Variants in TMCO5A observed in about 807,000 individuals in gnomAD.
TMCO5A encodes transmembrane and coiled-coil domain-containing protein 5A.
In TMCO5A, 34 loss-of-function variants were observed where a neutral mutation model predicts 42.3. The ratio of observed to expected loss-of-function variants is 0.80; its 90% CI spans 0.61 to 1.07. The LOEUF (loss-of-function observed/expected upper bound fraction) is 1.07, where lower values mean the gene tolerates loss of function less well. Among genes scored for constraint, TMCO5A ranks in the 50% least tolerant of loss-of-function variants. The pLI, the probability that TMCO5A is intolerant of heterozygous loss-of-function variation, is 0.00. For synonymous variants in TMCO5A, 131 were observed against 115.6 expected, an observed-to-expected ratio of 1.13 and a Z score of -0.86; for missense variants, 357 against 327.9, an observed-to-expected ratio of 1.09 and a Z score of -0.69.
In TMCO5A at chr15:37,951,129, C is replaced by T. The variant is rs543355757; in HGVS notation, c.762C>T (p.Leu254=). 19 of 1,613,726 alleles carry T rather than the reference C, an allele frequency of 1.2e-5. No individual in the cohort carries two copies. The highest frequency in any genetic ancestry group is 4.4e-5 in the South Asian group (4 of 91,064). The change falls in exon 12 of 12, where the codon CTC becomes CTT. Residue 254 remains leucine, a synonymous_variant. Coordinates refer to ENST00000319669, the MANE Select transcript of TMCO5A (RefSeq NM_152453.4). ...TAAGATTCATAAATCCAGATCTCCTCGTCAATGTACTGCCCAAGGTACTGG... is the reference window on the plus strand; with the variant it reads ...TAAGATTCATAAATCCAGATCTCCTTGTCAATGTACTGCCCAAGGTACTGG... ...FHVRFINPDL[L]VNVLPKVLGR...
At chr15:37,984,305 T>C in the TMCO5A span, among the ~76,000 whole-genome samples, 1 of 152,118 alleles carries the variant, frequency 6.6e-6, no homozygotes, top group African/African-American at 2.4e-5. Context: ...GATTTTTTTT[T>C]ATCACAACTG....
At chr15:38,028,487 C>T in the TMCO5A span, among the ~76,000 whole-genome samples, 295 of 152,280 alleles carry the variant, frequency 1.9e-3, 1 homozygote, top group Middle Eastern at 3.4e-3. Flanking sequence ...GTGACTGTCA[C>T]AGTTGGTGCT....
chr15:38,019,557 A>G, the TMCO5A span, among the ~76,000 whole-genome samples: 1 of 152,164 alleles, frequency 6.6e-6, no homozygotes, highest in Non-Finnish European at 1.5e-5. Context: ...GTTCACATTC[A>G]CAACCTCCCC....
At chr15:38,025,170 T>G in the TMCO5A span, among the ~76,000 whole-genome samples, 1 of 36,606 alleles carries the variant, frequency 2.7e-5, no homozygotes, top group Non-Finnish European at 6.7e-5. Flanking sequence ...TGGGTGTGTG[T>G]GTGTGTGTGT....
chr15:38,023,412 A>G, the TMCO5A span, among the ~76,000 whole-genome samples: 1 of 152,160 alleles, frequency 6.6e-6, no homozygotes, highest in African/African-American at 2.4e-5. Flanking sequence ...ACCTCTCAAT[A>G]TGTTTTCTTA....
chr15:38,016,779 C>T, the TMCO5A span, among the ~76,000 whole-genome samples: 2 of 152,190 alleles, frequency 1.3e-5, no homozygotes, highest in African/African-American at 4.8e-5. Flanking sequence ...GTGTCCTCTG[C>T]CGCTTGCCTT....
exon 12 of TMCO5A, chr15:37,966,682 C>A (rs1890565108): frequency 2.8e-6 from 2 of 702,894 alleles, no homozygotes; most frequent in Non-Finnish European, 5.2e-6. Context: ...CTCGTACTAC[C>A]AGATTGGCAA....
chr15:38,037,533 A>G, the TMCO5A span, among the ~76,000 whole-genome samples: 6 of 152,204 alleles, frequency 3.9e-5, no homozygotes, highest in African/African-American at 7.2e-5. Flanking sequence ...CAACCAAGAT[A>G]GTACTTGCCA....
chr15:38,012,700 TGAG>T, the TMCO5A span, among the ~76,000 whole-genome samples: 1 of 152,202 alleles, frequency 6.6e-6, no homozygotes, highest in African/African-American at 2.4e-5. Context: ...AAAATTGTGA[TGAG>T]GAGGCTGATG....
At chr15:38,028,811 C>A in the TMCO5A span, among the ~76,000 whole-genome samples, 3 of 152,114 alleles carry the variant, frequency 2.0e-5, no homozygotes, top group African/African-American at 7.2e-5. Flanking sequence ...ACCTTGTGCG[C>A]CTGCAAAGGA....
At chr15:38,021,561 T>G in the TMCO5A span, among the ~76,000 whole-genome samples, 1 of 152,086 alleles carries the variant, frequency 6.6e-6, no homozygotes, top group African/African-American at 2.4e-5. Flanking sequence ...GGGTGTTTAG[T>G]AATAAGTTTT....
chr15:37,936,428 T>A lies in TMCO5A; in HGVS notation c.105T>A (p.Leu35=). 1 of 1,613,024 alleles carries A rather than the reference T, an allele frequency of 6.2e-7. No homozygotes were observed. ...QRIDEANQKL[L]LKIQEREDKI... is the part of the protein sequence containing the mutation. ...TAGATGAAGCAAATCAGAAACTTCTTCTCAAAATCCAAGAGAGGGAAGATA... is the reference window on the plus strand; with the variant it reads ...TAGATGAAGCAAATCAGAAACTTCTACTCAAAATCCAAGAGAGGGAAGATA... The change falls in exon 3 of 12, where the codon CTT becomes CTA. Residue 35 remains leucine, a synonymous_variant. Coordinates refer to ENST00000319669, the MANE Select transcript of TMCO5A (RefSeq NM_152453.4).
downstream of TMCO5A, among the ~76,000 whole-genome samples, chr15:37,971,042 TGC>T: frequency 6.6e-6 from 1 of 152,350 alleles, no homozygotes; most frequent in Middle Eastern, 3.4e-3. Context: ...CACTAGGCAG[TGC>T]CCCAGTAGGG....
At chr15:37,936,274 G>A (rs1265873954) in intron 2 of TMCO5A, 40 bp from the exon 3 acceptor site, 1 of 1,579,218 alleles carries the variant, frequency 6.3e-7, no homozygotes, top group Admixed American at 1.9e-5. Flanking sequence ...TTGATCTTGA[G>A]ATAACTGGCC....
the TMCO5A span, among the ~76,000 whole-genome samples, chr15:37,995,156 C>A: frequency 6.6e-6 from 1 of 152,046 alleles, no homozygotes; most frequent in Admixed American, 6.6e-5. Flanking sequence ...AAAAACACTA[C>A]AAAAGAGGAA....
chr15:38,017,938 C>G, the TMCO5A span, among the ~76,000 whole-genome samples: 1 of 152,126 alleles, frequency 6.6e-6, no homozygotes, highest in African/African-American at 2.4e-5. Context: ...GGCACTTCCC[C>G]CTTCACTCTC....
the TMCO5A span, among the ~76,000 whole-genome samples, chr15:38,003,218 C>T: frequency 1.1e-4 from 7 of 61,748 alleles, no homozygotes; most frequent in East Asian, 3.8e-3. Flanking sequence ...TTCTCCCAAA[C>T]AGAGTCTCTC....
intron 4 of TMCO5A, 94 bp downstream of exon 4, chr15:37,937,064 C>T: frequency 6.5e-7 from 1 of 1,530,562 alleles, no homozygotes; most frequent in Non-Finnish European, 8.8e-7. Flanking sequence ...CCTTTTTATA[C>T]ATGAACAGTA....
chr15:37,958,940 T>G (rs60018603), intron 11 of TMCO5A, among the ~76,000 whole-genome samples: 2,017 of 152,082 alleles, frequency 0.013, 52 homozygotes, highest in African/African-American at 0.046. Context: ...TATGCAGCCA[T>G]AAAAAAGGAT....
Sources: gnomAD v4.1 joint callset for allele counts (sites outside exome capture counted in the v4.1 genomes callset) on GRCh38, gnomAD v4.1.1 for gene constraint, MANE v1.5 for transcripts, NCBI Gene and HGNC (gene_info 2026-07-23, HGNC 2026-07-21) for gene names.